The following NUP210L variants were observed in gnomAD, a reference collection of about 807,000 sequenced individuals.
NUP210L encodes the protein nuclear pore membrane glycoprotein 210-like.
NUP210L carries 74 observed loss-of-function variants against 208.5 expected under a neutral mutation model. The observed-to-expected ratio is 0.35, with a 90% CI of 0.29 to 0.43. The LOEUF (loss-of-function observed/expected upper bound fraction) is 0.43, where lower values mean the gene tolerates loss of function less well. NUP210L is among the 20% of genes least tolerant of loss of function. NUP210L has a pLI of 1.00. For synonymous variants in NUP210L, 780 were observed against 816.9 expected, an observed-to-expected ratio of 0.95 and a Z score of 0.77; for missense variants, 1,843 against 2,289.4, an observed-to-expected ratio of 0.81 and a Z score of 3.98.
intron 2 of NUP210L, among the ~76,000 whole-genome samples, chr1:154,151,053 C>T (rs901244211): frequency 1.3e-5 from 2 of 151,968 alleles, no homozygotes; most frequent in Admixed American, 1.3e-4. Context: ...CCAAGTCAGA[C>T]GAAGTTAAGC....
chr1:154,078,960 G>T lies in NUP210L; in HGVS notation c.2362-8495C>A, dbSNP rs542118202. ...CTTATTTATTTATTTTGTAAGGAAA[G>T]AACTTTGGAGTACTTCCTTTCTTTC... On this transcript the variant is annotated intron_variant, in intron 16 of 39. Transcript: ENST00000368559. 3.9e-5 allele frequency: 6 copies of T among 152,268 alleles called. No homozygotes were observed. The South Asian group carries it at 1.0e-3, about 26-fold the overall frequency. 9.4% of individuals were successfully genotyped at this position (152,268 alleles called of 1,614,324 possible).
chr1:154,127,677 A>G (rs1043288465), intron 8 of NUP210L, among the ~76,000 whole-genome samples: 1 of 150,948 alleles, frequency 6.6e-6, no homozygotes, highest in Non-Finnish European at 1.5e-5. Context: ...CAGCCTCCCA[A>G]GTAACTGGGA....
intron 12 of NUP210L, among the ~76,000 whole-genome samples, chr1:154,116,341 T>C (rs755441547): frequency 6.6e-6 from 1 of 150,808 alleles, no homozygotes; most frequent in African/African-American, 2.4e-5. Context: ...GGAGAATTGC[T>C]TGAACCTGAA....
Position 154,051,270 on chromosome 1 carries a change from C to T in NUP210L, c.3483+2958G>A, listed in dbSNP as rs569640049. On this transcript the variant is annotated intron_variant, in intron 25 of 39. Transcript: ENST00000368559. The stretch of plus-strand genomic sequence containing the variant: ...TGTTGCCCAGGCTGGAGTGCAGTGG[C>T]GTGATCTTGGCTCACTGTAAGCTCT... Among the ~76,000 whole-genome samples, 12 of 152,120 alleles carry T rather than the reference C, an allele frequency of 7.9e-5. No individual in the cohort carries two copies. In the East Asian group the frequency reaches 9.7e-4, roughly 12 times the overall value.
chr1:154,148,998 C>G (rs1214786871), intron 2 of NUP210L, among the ~76,000 whole-genome samples: 1 of 151,660 alleles, frequency 6.6e-6, no homozygotes, highest in African/African-American at 2.4e-5. Flanking sequence ...CAATGGCAAA[C>G]ACAAGCAGCT....
At chr1:154,080,836 G>T (rs1309955126) in intron 16 of NUP210L, among the ~76,000 whole-genome samples, 1 of 151,848 alleles carries the variant, frequency 6.6e-6, no homozygotes, top group Non-Finnish European at 1.5e-5. Flanking sequence ...GCTGGGCATG[G>T]TGGCATGTGC....
At chr1:154,086,364 A>G (rs1273900501) in intron 16 of NUP210L, among the ~76,000 whole-genome samples, 1 of 152,222 alleles carries the variant, frequency 6.6e-6, no homozygotes, top group Non-Finnish European at 1.5e-5. Flanking sequence ...AACTCATAGA[A>G]TAAATCAAAG....
intron 17 of NUP210L, among the ~76,000 whole-genome samples, chr1:154,062,567 CTTTTTTTT>C (rs34499821): frequency 1.5e-3 from 116 of 75,002 alleles, no homozygotes; most frequent in Admixed American, 0.014. Flanking sequence ...TTTCTTTTTC[CTTTTTTTT>C]TTTTTTTTTT....
chr1:153,994,358 A>G (rs977473871), intron 38 of NUP210L, among the ~76,000 whole-genome samples: 4 of 151,766 alleles, frequency 2.6e-5, no homozygotes, highest in African/African-American at 4.8e-5. Flanking sequence ...TCTGTCACCC[A>G]GGCTGAAGTG....
intron 7 of NUP210L, 149 bp downstream of exon 7, chr1:154,135,665 C>G (rs1658496902): frequency 1.7e-6 from 1 of 582,086 alleles, no homozygotes; most frequent in Non-Finnish European, 3.1e-6. Context: ...TTGTGATCAG[C>G]CCGCCTCGGC....
chr1:154,117,732 T>G, exon 12 of NUP210L: 1 of 1,611,276 alleles, frequency 6.2e-7, no homozygotes, highest in South Asian at 1.1e-5. Context: ...TACCTTAATT[T>G]CTCCATATCG....
intron 37 of NUP210L, among the ~76,000 whole-genome samples, chr1:153,999,465 C>A (rs930305634): frequency 6.6e-6 from 1 of 152,102 alleles, no homozygotes; most frequent in Non-Finnish European, 1.5e-5. Flanking sequence ...TGGCCGGGTG[C>A]GGTGGCTCAT....
chr1:154,110,706 T>C (rs1172046684), intron 12 of NUP210L, among the ~76,000 whole-genome samples: 16 of 151,170 alleles, frequency 1.1e-4, no homozygotes, highest in Non-Finnish European at 2.1e-4. Context: ...TGGTGAAACC[T>C]TGTCTCTACA....
At chr1:154,033,110 TGTTGA>T (rs1257387330) in intron 27 of NUP210L, among the ~76,000 whole-genome samples, 1 of 152,196 alleles carries the variant, frequency 6.6e-6, no homozygotes, top group Non-Finnish European at 1.5e-5. Flanking sequence ...ATTTTTTTCC[TGTTGA>T]GTTGTTTGAG....
Position 154,036,502 on chromosome 1 carries a change from T to C in NUP210L, c.3697-6448A>G, listed in dbSNP as rs147943758. ...ACCTCAGCCTCCTGAGTAGCTGGGATTACAGGTGCCCACCACCGTGCCCAG... is the reference window on the plus strand; with the variant it reads ...ACCTCAGCCTCCTGAGTAGCTGGGACTACAGGTGCCCACCACCGTGCCCAG... On this transcript the variant is annotated intron_variant, in intron 27 of 39. Transcript: ENST00000368559. 1.9e-3 allele frequency among the ~76,000 whole-genome samples: 285 copies of C among 147,680 alleles called. 2 individuals are homozygous for C. The highest frequency in any genetic ancestry group is 6.7e-3 in the African/African-American group (269 of 40,260).
Position 154,060,658 on chromosome 1 carries a change from C to T in NUP210L, c.2749-17G>A, listed in dbSNP as rs1369154680. 6.6e-7 allele frequency: 1 copy of T among 1,525,794 alleles called. No homozygotes were observed. The highest frequency in any genetic ancestry group is 9.1e-7 in the Non-Finnish European group (1 of 1,101,028). The allele number at this position is 1,525,794 out of a possible 1,614,324, so 94.5% of individuals were successfully genotyped here. A position where few individuals can be genotyped will look rare whatever the true frequency, so the allele number is the denominator to read the frequency against. The stretch of plus-strand genomic sequence containing the variant: ...AAATGTTTCCTATGGAAAAATCAGA[C>T]AAACAATATTCTGTTTGCTTCAGTT... On this transcript the variant is annotated splice_polypyrimidine_tract_variant and intron_variant, in intron 19 of 39. Coordinates refer to ENST00000368559, the Ensembl canonical transcript of NUP210L.
rs1321735615 is a variant in NUP210L at position 154,139,671 on chromosome 1, AAAAC to A, written c.717+127_717+130del. ...TGGTGAAACCCTGTCTGTCTCTACA[AAAAC>A]AAACAAACAAACAAAAAAAAAAAAA... On this transcript the variant is annotated intron_variant, in intron 5 of 39. Coordinates refer to ENST00000368559, the Ensembl canonical transcript of NUP210L. The A allele has an allele frequency of 1.6e-4, 107 of 652,180 alleles. No individual in the cohort carries two copies. In the East Asian group the frequency reaches 2.6e-3, roughly 16 times the overall value. 40.4% of individuals were successfully genotyped at this position (652,180 alleles called of 1,614,324 possible).
intron 2 of NUP210L, 40 bp from the exon 3 acceptor site, chr1:154,143,617 T>C: frequency 6.4e-7 from 1 of 1,559,194 alleles, no homozygotes; most frequent in Non-Finnish European, 8.8e-7. Flanking sequence ...ATTCAATAGG[T>C]CATGAATCTA....
At chr1:154,000,451 C>T (rs550722532) in intron 37 of NUP210L, among the ~76,000 whole-genome samples, 4 of 152,268 alleles carry the variant, frequency 2.6e-5, no homozygotes, top group East Asian at 3.9e-4. Flanking sequence ...TTTTGGCATA[C>T]CCGAATTGCA....
Sources: gnomAD v4.1 joint callset for allele counts (sites outside exome capture counted in the v4.1 genomes callset) on GRCh38, gnomAD v4.1.1 for gene constraint, MANE v1.5 for transcripts, NCBI Gene and HGNC (gene_info 2026-07-23, HGNC 2026-07-21) for gene names.